The following PAX5 variants were observed in gnomAD, a reference collection of about 807,000 sequenced individuals.
PAX5 encodes the protein paired box protein Pax-5.
PAX5 carries 9 observed loss-of-function variants against 43.7 expected under a neutral mutation model. That is an observed-to-expected ratio of 0.21 (90% CI 0.12 to 0.36). The LOEUF (loss-of-function observed/expected upper bound fraction) is 0.36, where lower values mean the gene tolerates loss of function less well. Among genes scored for constraint, PAX5 ranks in the 10% least tolerant of loss-of-function variants. The pLI is 1.00. For synonymous variants in PAX5, 228 were observed against 214.3 expected, an observed-to-expected ratio of 1.06 and a Z score of -0.56; for missense variants, 383 against 532.7, an observed-to-expected ratio of 0.72 and a Z score of 2.77.
chr9:36,982,031 G>A lies in PAX5; in HGVS notation c.605-15307C>T, dbSNP rs142098420. On this transcript the variant is annotated intron_variant, in intron 5 of 9. Coordinates refer to ENST00000358127, the MANE Select transcript of PAX5 (RefSeq NM_016734.3). ...TGTAATCCCAGCACTTTGGGAGGCC[G>A]AGGCAGATGGATCACCTGAGGTCAG... 2.3e-3 allele frequency among the ~76,000 whole-genome samples: 346 copies of A among 152,338 alleles called. 4 individuals carry two copies. Among genetic ancestry groups the A allele is most frequent in the African/African-American group, 7.9e-3 (329 of 41,580 alleles).
At chr9:36,938,173 C>T (rs1297657606) in intron 6 of PAX5, among the ~76,000 whole-genome samples, 5 of 152,156 alleles carry the variant, frequency 3.3e-5, no homozygotes, top group Admixed American at 3.3e-4. Context: ...TTAAGAGCTT[C>T]TGCTTTTAAT....
At chr9:37,008,433 T>A (rs1838649740) in intron 3 of PAX5, among the ~76,000 whole-genome samples, 1 of 152,214 alleles carries the variant, frequency 6.6e-6, no homozygotes, top group Non-Finnish European at 1.5e-5. Context: ...ACCATTAATA[T>A]CTGAAAGTTT....
At chr9:36,875,860 C>A (rs1031863790) in intron 8 of PAX5, among the ~76,000 whole-genome samples, 2 of 152,202 alleles carry the variant, frequency 1.3e-5, no homozygotes, top group African/African-American at 4.8e-5. Context: ...CTAGCACCTC[C>A]AGAAGAAACA....
At chr9:36,952,811 A>G (rs112429565) in intron 6 of PAX5, among the ~76,000 whole-genome samples, 1 of 152,268 alleles carries the variant, frequency 6.6e-6, no homozygotes, top group African/African-American at 2.4e-5. Flanking sequence ...TCACTTATCC[A>G]TATGTAATAA....
Position 36,923,465 on chromosome 9 carries a change from A to G in PAX5, c.800T>C (p.Met267Thr), listed in dbSNP as rs771833415. 1.1e-5 allele frequency: 17 copies of G among 1,611,190 alleles called. No individual in the cohort carries two copies. Among genetic ancestry groups the G allele is most frequent in the Admixed American group, 6.7e-5 (4 of 59,974 alleles). ...KPEQTTEYSA[M>T]ASLAGGLDDM... is the part of the protein sequence containing the mutation. ...GTCCAGCCCACCAGCCAGCGAGGCC[A>G]TGGCTGAATACTCTGTGGTCTGAAA... Residue 267 changes from methionine (M) to threonine (T), a missense_variant, in exon 7 of 10, where the codon ATG becomes ACG. Transcript: ENST00000358127.
At chr9:37,029,734 C>T (rs886620893) in intron 1 of PAX5, among the ~76,000 whole-genome samples, 37 of 152,196 alleles carry the variant, frequency 2.4e-4, no homozygotes, top group Non-Finnish European at 4.3e-4. Context: ...AGTGACACCC[C>T]CACCCCCAGC....
intron 8 of PAX5, among the ~76,000 whole-genome samples, chr9:36,868,634 C>T (rs909245137): frequency 5.3e-5 from 8 of 152,136 alleles, no homozygotes; most frequent in African/African-American, 1.7e-4. Context: ...CATAAAAGAA[C>T]TCGAGTTAGG....
At chr9:37,003,169 A>AAAAACAAAC (rs1554681645) in intron 4 of PAX5, among the ~76,000 whole-genome samples, 2 of 149,356 alleles carry the variant, frequency 1.3e-5, no homozygotes, top group African/African-American at 4.9e-5. Context: ...AAAAAAAAAA[A>AAAAACAAAC]AAAAAAAAAA....
intron 5 of PAX5, 137 bp from the exon 6 acceptor site, chr9:36,966,861 A>C: frequency 1.5e-5 from 11 of 738,392 alleles, no homozygotes; most frequent in Non-Finnish European, 1.8e-5. Flanking sequence ...GCAGGGGCTC[A>C]GGTAAGGCAC....
chr9:36,888,343 A>G (rs1027502491), intron 7 of PAX5, among the ~76,000 whole-genome samples: 1 of 152,258 alleles, frequency 6.6e-6, no homozygotes, highest in Non-Finnish European at 1.5e-5. Flanking sequence ...TATTCATGAT[A>G]GCCAAAAAGT....
chr9:36,933,314 A>G (rs2132022559), intron 6 of PAX5, among the ~76,000 whole-genome samples: 1 of 152,136 alleles, frequency 6.6e-6, no homozygotes, highest in South Asian at 2.1e-4. Context: ...CCAGGAGCTT[A>G]CTCTCTCGCC....
chr9:36,991,959 C>T (rs1209435635), intron 5 of PAX5, among the ~76,000 whole-genome samples: 1 of 152,206 alleles, frequency 6.6e-6, no homozygotes, highest in African/African-American at 2.4e-5. Context: ...CTCAAATTAC[C>T]TTAAGACATT....
intron 8 of PAX5, among the ~76,000 whole-genome samples, chr9:36,863,837 G>C (rs530188780): frequency 6.6e-6 from 1 of 152,180 alleles, no homozygotes; most frequent in Non-Finnish European, 1.5e-5. Flanking sequence ...GGGGCCGGGC[G>C]CAGTGGCTCA....
At chr9:36,934,117 C>T (rs56132268) in intron 6 of PAX5, among the ~76,000 whole-genome samples, 31,015 of 152,184 alleles carry the variant, frequency 0.2, 3,527 homozygotes, top group Non-Finnish European at 0.24. Context: ...GGAATTCCAC[C>T]GGGTCTGGGG....
At chr9:36,982,353 T>C (rs1412112189) in intron 5 of PAX5, among the ~76,000 whole-genome samples, 1 of 152,190 alleles carries the variant, frequency 6.6e-6, no homozygotes, top group Non-Finnish European at 1.5e-5. Flanking sequence ...GTGAATCCCT[T>C]GGTTCCAGCA....
intron 8 of PAX5, among the ~76,000 whole-genome samples, chr9:36,855,691 T>C (rs11788216): frequency 0.026 from 3,935 of 151,856 alleles, 72 homozygotes; most frequent in Middle Eastern, 0.041. Flanking sequence ...ATGGAGCTTC[T>C]CAGCCACACC....
chr9:36,916,634 G>GATAT (rs143964852), intron 7 of PAX5, among the ~76,000 whole-genome samples: 1 of 150,154 alleles, frequency 6.7e-6, no homozygotes, highest in Non-Finnish European at 1.5e-5. Flanking sequence ...TCCCAGGTGA[G>GATAT]ATATATATAT....
intron 1 of PAX5, chr9:37,026,459 C>A: frequency 1.6e-6 from 2 of 1,228,874 alleles, no homozygotes; most frequent in Non-Finnish European, 2.2e-6. Context: ...GGCCTTAGTA[C>A]CTGACCCACG....
intron 7 of PAX5, among the ~76,000 whole-genome samples, chr9:36,906,643 A>T (rs977390387): frequency 6.6e-6 from 1 of 152,206 alleles, no homozygotes; most frequent in Non-Finnish European, 1.5e-5. Flanking sequence ...TCAATGGAAC[A>T]TCCAAGACAG....
Sources: gnomAD v4.1 joint callset for allele counts (sites outside exome capture counted in the v4.1 genomes callset) on GRCh38, gnomAD v4.1.1 for gene constraint, MANE v1.5 for transcripts, NCBI Gene and HGNC (gene_info 2026-07-23, HGNC 2026-07-21) for gene names.